TTC8: variants seen among roughly 807,000 people sequenced by gnomAD.
The protein encoded by TTC8 is tetratricopeptide repeat domain 8, also known as tetratricopeptide repeat protein 8.
TTC8 carries 47 observed loss-of-function variants against 72.5 expected under a neutral mutation model. That is an observed-to-expected ratio of 0.65 (90% CI 0.51 to 0.83). The LOEUF is 0.83. TTC8 is among the 40% of genes least tolerant of loss of function. TTC8 has a pLI of 0.00. For synonymous variants in TTC8, 199 were observed against 221.4 expected, an observed-to-expected ratio of 0.90 and a Z score of 0.90; for missense variants, 611 against 623.2, an observed-to-expected ratio of 0.98 and a Z score of 0.21.
chr14:88,865,964 C>A (rs2094907596), intron 10 of TTC8, among the ~76,000 whole-genome samples: 1 of 151,892 alleles, frequency 6.6e-6, no homozygotes, highest in South Asian at 2.1e-4. Context: ...AAGCCAATTG[C>A]ATTACTTGGT....
At chr14:88,855,540 A>G (rs2094852254) in intron 8 of TTC8, among the ~76,000 whole-genome samples, 2 of 152,136 alleles carry the variant, frequency 1.3e-5, no homozygotes, top group South Asian at 4.1e-4. Context: ...GTAGTAATAA[A>G]GAACATGGTT....
At chr14:88,857,741 A>C (rs2094863609) in intron 9 of TTC8, among the ~76,000 whole-genome samples, 1 of 152,164 alleles carries the variant, frequency 6.6e-6, no homozygotes. Flanking sequence ...CATTATATAT[A>C]CAGTTTAACC....
At chr14:88,859,628 T>C (rs999572698) in intron 9 of TTC8, among the ~76,000 whole-genome samples, 1 of 151,728 alleles carries the variant, frequency 6.6e-6, no homozygotes, top group African/African-American at 2.4e-5. Flanking sequence ...TTTACCTATA[T>C]AACAAACCTG....
chr14:88,826,523 T>C (rs894603694), intron 1 of TTC8, among the ~76,000 whole-genome samples: 6 of 151,384 alleles, frequency 4.0e-5, no homozygotes, highest in African/African-American at 1.5e-4. Flanking sequence ...GCTAACACGG[T>C]GAAACCCCCT....
At position 88,839,603 on chromosome 14, in the gene TTC8, A is replaced by C. The variant is rs372369941; in HGVS notation, c.265+31A>C. The C allele has an allele frequency of 7.6e-5, 122 of 1,610,284 alleles. 2 individuals carry two copies. In the African/African-American group the frequency reaches 1.4e-3, roughly 19 times the overall value. On this transcript the variant is annotated intron_variant, in intron 3 of 14. Transcript: ENST00000380656. Reference sequence around the variant, plus strand: ...TATTGGGTTTTCAGTTAAGTTAATGAAATACCATTAAGAGGAAGAATACTG... The same window carrying C: ...TATTGGGTTTTCAGTTAAGTTAATGCAATACCATTAAGAGGAAGAATACTG...
downstream of TTC8, chr14:88,878,198 G>T (rs1467935509): frequency 6.6e-6 from 1 of 152,098 alleles, no homozygotes; most frequent in Non-Finnish European, 1.5e-5. Flanking sequence ...CACAGGCCAG[G>T]AGTCCCACTT....
At chr14:88,826,721 C>G (rs1566828130) in intron 1 of TTC8, among the ~76,000 whole-genome samples, 1 of 152,074 alleles carries the variant, frequency 6.6e-6, no homozygotes, top group Non-Finnish European at 1.5e-5. Flanking sequence ...AAAAAAAGAA[C>G]CTTTGATGTG....
chr14:88,858,754 ATTTTTTTTTTT>A (rs138871136), intron 9 of TTC8, among the ~76,000 whole-genome samples: 128 of 86,914 alleles, frequency 1.5e-3, no homozygotes, highest in South Asian at 1.4e-3. Context: ...TGCCTGGATA[ATTTTTTTTTTT>A]TTTTTTTTTT....
chr14:88,870,819 T>C (rs531348562), intron 11 of TTC8, among the ~76,000 whole-genome samples: 1 of 152,320 alleles, frequency 6.6e-6, no homozygotes, highest in South Asian at 2.1e-4. Flanking sequence ...TTTCCAAATA[T>C]GTGTTGGAGG....
intron 1 of TTC8, among the ~76,000 whole-genome samples, chr14:88,827,539 G>A (rs1015431790): frequency 5.9e-5 from 9 of 152,172 alleles, no homozygotes; most frequent in Middle Eastern, 3.2e-3. Flanking sequence ...CGTTTAACTT[G>A]ATGTCATCTT....
intron 9 of TTC8, among the ~76,000 whole-genome samples, chr14:88,859,002 T>C (rs559235782): frequency 1.7e-4 from 26 of 152,244 alleles, no homozygotes; most frequent in African/African-American, 6.0e-4. Context: ...ATCATCTTAA[T>C]TGATAATCAC....
At chr14:88,868,970 A>T (rs1336185954) in intron 10 of TTC8, among the ~76,000 whole-genome samples, 1 of 152,218 alleles carries the variant, frequency 6.6e-6, no homozygotes, top group African/African-American at 2.4e-5. Flanking sequence ...AGTATGTCTA[A>T]ATATCAGTGA....
chr14:88,839,641 ATATATATGCCTATATATTTCTACACTT>A, intron 3 of TTC8, 69 bp downstream of exon 3: 1 of 1,541,220 alleles, frequency 6.5e-7, no homozygotes, highest in Non-Finnish European at 9.0e-7. Context: ...TATAAGAGGA[ATATATATGCCTATATATTTCTACACTT>A]TATATATATA....
chr14:88,857,388 T>C, intron 9 of TTC8, 111 bp downstream of exon 9: 1 of 939,848 alleles, frequency 1.1e-6, no homozygotes, highest in East Asian at 2.5e-5. Flanking sequence ...GGCAAGTTAC[T>C]ATGTTTAGAT....
At chr14:88,824,618 T>C, upstream of TTC8, 1 of 1,090,882 alleles carries the variant, frequency 9.2e-7, no homozygotes, top group African/African-American at 1.6e-5. Flanking sequence ...CCGTCGCGGG[T>C]TGCCGGGCAG....
In TTC8 at chr14:88,833,752, T is replaced by C. The variant is rs761517895; in HGVS notation, c.144+30T>C. ...AGAAAGGTTTAGCTGCAACCTTTAG[T>C]TTAGAGAATTCTTTAATGCTATTGC... is the stretch of plus-strand genomic sequence containing the variant. On this transcript the variant is annotated intron_variant, in intron 2 of 14. Coordinates refer to ENST00000380656, the MANE Select transcript of TTC8 (RefSeq NM_144596.4). 9 of 1,606,288 alleles carry C rather than the reference T, an allele frequency of 5.6e-6. 1 individual carries two copies. The South Asian group carries it at 9.9e-5, about 18-fold the overall frequency.
At chr14:88,840,844 A>T (rs1402737667) in intron 3 of TTC8, 21 bp from the exon 4 acceptor site, 1 of 1,612,038 alleles carries the variant, frequency 6.2e-7, no homozygotes, top group Non-Finnish European at 8.5e-7. Context: ...TATAAATTGT[A>T]TTAGCCATCT....
At chr14:88,876,896 C>G (rs556879974) in intron 14 of TTC8, among the ~76,000 whole-genome samples, 2 of 152,120 alleles carry the variant, frequency 1.3e-5, no homozygotes, top group Non-Finnish European at 2.9e-5. Context: ...ATAGTTTTCT[C>G]TAAGTTTTCT....
At chr14:88,868,578 A>G (rs1366365643) in intron 10 of TTC8, among the ~76,000 whole-genome samples, 1 of 152,224 alleles carries the variant, frequency 6.6e-6, no homozygotes, top group Non-Finnish European at 1.5e-5. Context: ...CATGGACTCT[A>G]AAAACACATT....
Sources: allele counts gnomAD v4.1 joint callset (sites outside exome capture counted in the v4.1 genomes callset), GRCh38; gene constraint gnomAD v4.1.1; transcripts MANE v1.5; gene names NCBI Gene and HGNC (gene_info 2026-07-23, HGNC 2026-07-21).